Variants in NGRN observed in about 807,000 individuals in gnomAD.
NGRN encodes neugrin, neurite outgrowth associated.
In NGRN, 12 loss-of-function variants were observed where a neutral mutation model predicts 13.1. The observed-to-expected ratio is 0.92, with a 90% CI of 0.59 to 1.49. NGRN has a LOEUF of 1.49. Ranked by LOEUF, NGRN falls within the 40% of genes most tolerant of loss-of-function variation. NGRN has a pLI of 0.00. For missense variants in NGRN, 397 were observed against 357.0 expected (o/e 1.11, Z -0.90); for synonymous variants, 149 against 145.8 (o/e 1.02, Z -0.16).
chr15:90,265,821 C>T lies in NGRN; in HGVS notation c.109C>T (p.Pro37Ser), dbSNP rs1596199537. The T allele has an allele frequency of 6.2e-7, 1 of 1,609,940 alleles. No individual in the cohort carries two copies. Among genetic ancestry groups the T allele is most frequent in the Middle Eastern group, 1.8e-4 (1 of 5,638 alleles). Residue 37 changes from proline to serine, a missense_variant, in exon 1 of 3, where the codon CCG (proline) becomes TCG (serine). Physicochemically the swap from Pro to Ser is moderately conservative, Grantham distance 74 (BLOSUM62 -1). Transcript: ENST00000379095. ...VAGPGPIGRE[P>S]DPDSDWEPEE... ...GGGCCCAGGCCCTATTGGCCGGGAG[C>T]CGGACCCCGATTCCGACTGGGAGCC...
chr15:90,266,626 A>G lies in NGRN; in HGVS notation c.275+228A>G, dbSNP rs527826410. 2.3e-4 allele frequency among the ~76,000 whole-genome samples: 35 copies of G among 152,310 alleles called. No individual in the cohort carries two copies. In the South Asian group the frequency reaches 6.4e-3, roughly 28 times the overall value. ...TTTTTTAAAGAGACGGGGTTTCGCT[A>G]TCGCCTCGAACTCCAGACCTCAAGT... On this transcript the variant is annotated intron_variant, in intron 2 of 2. Transcript: ENST00000379095.
At position 90,266,352 on chromosome 15, in the gene NGRN, G is replaced by A. The variant is rs1431131436; in HGVS notation, c.229G>A (p.Gly77Ser). The change falls in exon 2 of 3, where the codon GGT (glycine) becomes AGT (serine). Residue 77 changes from glycine (G) to serine (S), a missense_variant. Transcript: ENST00000379095. ...QKIRRQMEAP[G>S]APPRTLTWEA... ...AATTCGGAGGCAAATGGAGGCGCCT[G>A]GTGCCCCGCCCAGGACCCTGACGTG... is the stretch of plus-strand genomic sequence containing the variant. 6 of 1,613,956 alleles carry A rather than the reference G, an allele frequency of 3.7e-6. No homozygotes were observed. The highest frequency in any genetic ancestry group is 5.1e-6 in the Non-Finnish European group (6 of 1,179,956).
chr15:90,268,458 C>T (rs1963459666), intron 2 of NGRN, among the ~76,000 whole-genome samples: 2 of 151,670 alleles, frequency 1.3e-5, no homozygotes, highest in African/African-American at 2.4e-5. Flanking sequence ...TTGCCCACTA[C>T]TCTCAAACTT....
chr15:90,271,261 G>A lies in NGRN; in HGVS notation c.349G>A (p.Val117Met), dbSNP rs1449735401. The A allele has an allele frequency of 3.1e-6, 5 of 1,614,050 alleles. No homozygotes were observed. Among genetic ancestry groups the A allele is most frequent in the Non-Finnish European group, 4.2e-6 (5 of 1,180,048 alleles). The change falls in exon 3 of 3, where the codon GTG becomes ATG. Residue 117 changes from valine (V) to methionine (M), a missense_variant. Physicochemically the swap from Val to Met is conservative, Grantham distance 21. Transcript: ENST00000379095. ...TGAAGGCTTTGATGTCAGCACTGATGTGATCCGAAGAGTTTTAAAAAGCAA... is the reference window on the plus strand; with the variant it reads ...TGAAGGCTTTGATGTCAGCACTGATATGATCCGAAGAGTTTTAAAAAGCAA... The part of the protein sequence containing the change: ...LAEGFDVSTD[V>M]IRRVLKSKFL...
rs367553158 is a variant in NGRN, at chr15:90,265,846, C to G, written c.134C>G (p.Pro45Arg). The G allele has an allele frequency of 6.2e-7, 1 of 1,606,376 alleles. No individual in the cohort carries two copies. The highest frequency in any genetic ancestry group is 8.5e-7 in the Non-Finnish European group (1 of 1,176,624). The part of the protein sequence containing the change: ...REPDPDSDWE[P>R]EERELQEVES... ...CCGGACCCCGATTCCGACTGGGAGC[C>G]GGAGGAACGGGAGCTGCAGGAGGTG... Residue 45 changes from proline (P) to arginine (R), a missense_variant, in exon 1 of 3, where the codon CCG becomes CGG. Transcript: ENST00000379095.
At chr15:90,266,457 C>A in intron 2 of NGRN, 59 bp downstream of exon 2, 1 of 1,375,494 alleles carries the variant, frequency 7.3e-7, no homozygotes, top group Non-Finnish European at 1.0e-6. Context: ...GATGCTGGAG[C>A]CCAGAAACGG....
chr15:90,269,169 T>A lies in NGRN; in HGVS notation c.276-2019T>A, dbSNP rs1412572864. On this transcript the variant is annotated intron_variant, in intron 2 of 2. Transcript: ENST00000379095. ...CACCACTATACCTGGCTAATTTTTT[T>A]TTTTTTTTTTTTTTTTTTGGATTTT... 1.3e-4 allele frequency among the ~76,000 whole-genome samples: 16 copies of A among 127,824 alleles called. No individual in the cohort carries two copies. The East Asian group carries it at 1.3e-3, about 11-fold the overall frequency. The allele number at this position is 127,824 out of a possible 152,430, so 83.9% of individuals were successfully genotyped here. A position where few individuals can be genotyped will look rare whatever the true frequency, so the allele number is the denominator to read the frequency against.
chr15:90,270,952 C>T (rs1963492706), intron 2 of NGRN, among the ~76,000 whole-genome samples: 1 of 152,114 alleles, frequency 6.6e-6, no homozygotes, highest in Non-Finnish European at 1.5e-5. Context: ...TCTTGTGCCA[C>T]GTGGTAGCTC....
Position 90,271,386 on chromosome 15 carries a change from T to TA in NGRN, c.475dup (p.Thr159AsnfsTer21). On this transcript the variant is annotated frameshift_variant, in exon 3 of 3. Transcript: ENST00000379095. LOFTEE classifies it low-confidence loss of function (END_TRUNC). Reference sequence around the variant, plus strand: ...TGCAGCACCTCCGGGGCTCTGGAAATACCTCAAAGCTGCTCCCTGCAGGCC... The same window carrying TA: ...TGCAGCACCTCCGGGGCTCTGGAAATAACCTCAAAGCTGCTCCCTGCAGGCC... 6.2e-7 allele frequency: 1 copy of TA among 1,614,050 alleles called. No homozygotes were observed. Among genetic ancestry groups the TA allele is most frequent in the Non-Finnish European group, 8.5e-7 (1 of 1,180,004 alleles).
chr15:90,266,193 G>C lies in NGRN; in HGVS notation c.165-95G>C, dbSNP rs1192358632. On this transcript the variant is annotated intron_variant, in intron 1 of 2. Coordinates refer to ENST00000379095, the MANE Select transcript of NGRN (RefSeq NM_001033088.3). ...GCCCGGTTGCCCTTGCGATCAAAGAGAAGAGGGCTGGGCGCTCCATGATTT... is the reference window on the plus strand; with the variant it reads ...GCCCGGTTGCCCTTGCGATCAAAGACAAGAGGGCTGGGCGCTCCATGATTT... The C allele has an allele frequency of 2.0e-6, 3 of 1,501,688 alleles. No individual in the cohort carries two copies. The Admixed American group carries it at 7.0e-5, about 35-fold the overall frequency. The allele number at this position is 1,501,688 out of a possible 1,614,324, so 93.0% of individuals were successfully genotyped here.
intron 2 of NGRN, among the ~76,000 whole-genome samples, chr15:90,268,067 A>C (rs1360774740): frequency 2.0e-5 from 3 of 152,028 alleles, no homozygotes; most frequent in African/African-American, 4.8e-5. Context: ...GCAGTGGCGA[A>C]ATCTCAGCTC....
rs769576087 is a variant in NGRN at position 90,271,733 on chromosome 15, T to C, written c.821T>C (p.Val274Ala). 4.3e-6 allele frequency: 7 copies of C among 1,614,068 alleles called. No homozygotes were observed. In the South Asian group the frequency reaches 6.6e-5, roughly 15 times the overall value. The part of the protein sequence containing the change: ...EEPDNFSSKV[V>A]QRGREFFDSN... ...CCAGATAACTTCAGCAGCAAAGTAGTGCAGAGGGGCCGAGAGTTCTTTGAC... is the reference window on the plus strand; with the variant it reads ...CCAGATAACTTCAGCAGCAAAGTAGCGCAGAGGGGCCGAGAGTTCTTTGAC... The change falls in exon 3 of 3, where the codon GTG becomes GCG. Residue 274 changes from valine to alanine, a missense_variant. Physicochemically the swap from Val to Ala is moderately conservative, Grantham distance 64 (BLOSUM62 0). Transcript: ENST00000379095.
At chr15:90,269,184 T>TG (rs1963471801) in intron 2 of NGRN, among the ~76,000 whole-genome samples, 1 of 138,468 alleles carries the variant, frequency 7.2e-6, no homozygotes, top group Non-Finnish European at 1.6e-5. Flanking sequence ...TTTTTTTTTT[T>TG]TTTGGATTTT....
intron 2 of NGRN, among the ~76,000 whole-genome samples, chr15:90,268,640 CTTTG>C (rs1265540724): frequency 3.9e-5 from 6 of 152,086 alleles, no homozygotes; most frequent in Non-Finnish European, 5.9e-5. Context: ...GGTGCCTACC[CTTTG>C]TTTGTTTGTA....
In NGRN at chr15:90,271,828, C is replaced by T; in HGVS notation, c.*40C>T. ...TATGGAGATGCCTCGTGAAACACAG[C>T]TGGGCAAGTATTAATGTATATGGAA... On this transcript the variant is annotated 3_prime_UTR_variant, in exon 3 of 3. Coordinates refer to ENST00000379095, the MANE Select transcript of NGRN (RefSeq NM_001033088.3). 1 of 1,602,670 alleles carries T rather than the reference C, an allele frequency of 6.2e-7. No homozygotes were observed. The highest frequency in any genetic ancestry group is 8.5e-7 in the Non-Finnish European group (1 of 1,173,572).
rs879665673 is a variant in NGRN, at chr15:90,272,058, C to G, written c.*270C>G. The G allele has an allele frequency of 8.5e-5, 35 of 411,560 alleles. No individual in the cohort carries two copies. Among genetic ancestry groups the G allele is most frequent in the Non-Finnish European group, 1.3e-4 (29 of 230,522 alleles). 25.5% of individuals were successfully genotyped at this position (411,560 alleles called of 1,614,324 possible). ...CCATCCCGTGTTGCATGTGTTGTTA[C>G]AATTTTCTGTGATACTTGCAATTTA... On this transcript the variant is annotated 3_prime_UTR_variant, in exon 3 of 3. Coordinates refer to ENST00000379095, the MANE Select transcript of NGRN (RefSeq NM_001033088.3).
chr15:90,266,426 C>G (rs1311126005), intron 2 of NGRN, 28 bp downstream of exon 2: 2 of 1,575,666 alleles, frequency 1.3e-6, no homozygotes, highest in Non-Finnish European at 1.7e-6. Flanking sequence ...TTGTTTGTAT[C>G]CGCTGTGATG....
intron 2 of NGRN, among the ~76,000 whole-genome samples, chr15:90,266,709 C>T (rs1596200317): frequency 6.6e-6 from 1 of 152,116 alleles, no homozygotes; most frequent in Non-Finnish European, 1.5e-5. Context: ...CCACTGCGCC[C>T]CGCCTGGTTT....
At chr15:90,270,964 T>G (rs956853929) in intron 2 of NGRN, among the ~76,000 whole-genome samples, 5 of 152,164 alleles carry the variant, frequency 3.3e-5, no homozygotes, top group Admixed American at 2.6e-4. Flanking sequence ...TGGTAGCTCA[T>G]GCCTGTAATC....
Sources: allele counts gnomAD v4.1 joint callset (sites outside exome capture counted in the v4.1 genomes callset), GRCh38; gene constraint gnomAD v4.1.1; transcripts MANE v1.5; gene names NCBI Gene and HGNC (gene_info 2026-07-23, HGNC 2026-07-21).